Variants in NAV2 observed in about 807,000 individuals in gnomAD.
NAV2 encodes neuron navigator 2, also known as helicase, APC down-regulated 1.
Under a neutral mutation model 223.2 loss-of-function variants are expected in NAV2, and 54 were observed. The observed-to-expected ratio is 0.24, with a 90% confidence interval of 0.19 to 0.30. NAV2 has a LOEUF of 0.30. NAV2 is among the 10% of genes least tolerant of loss of function. NAV2 has a pLI of 1.00. For synonymous variants in NAV2, 1,279 were observed against 1,239.3 expected (o/e 1.03, Z -0.67); for missense variants, 2,806 against 3,147.5 (o/e 0.89, Z 2.60).
intron 22 of NAV2, among the ~76,000 whole-genome samples, chr11:20,076,921 C>A (rs1248165854): frequency 1.3e-5 from 2 of 152,106 alleles, no homozygotes; most frequent in Non-Finnish European, 1.5e-5. Flanking sequence ...GTGGTAACCC[C>A]CTGGAGGAAC....
chr11:19,447,037 G>A (rs1228184035), intron 1 of NAV2, among the ~76,000 whole-genome samples: 1 of 152,216 alleles, frequency 6.6e-6, no homozygotes, highest in Non-Finnish European at 1.5e-5. Context: ...TGGACCAGAA[G>A]GGAGTTCTAT....
intron 1 of NAV2, among the ~76,000 whole-genome samples, chr11:19,362,045 G>A (rs981003613): frequency 2.6e-5 from 4 of 152,340 alleles, no homozygotes; most frequent in Admixed American, 1.3e-4. Flanking sequence ...AGGAGGATGA[G>A]CTGGAGAGGG....
intron 1 of NAV2, among the ~76,000 whole-genome samples, chr11:19,743,651 G>T (rs1453343639): frequency 6.6e-6 from 1 of 152,274 alleles, no homozygotes; most frequent in Non-Finnish European, 1.5e-5. Flanking sequence ...ACAAAAAAGT[G>T]CTGGGCTTAG....
chr11:20,079,495 A>T (rs1424077076), intron 24 of NAV2, among the ~76,000 whole-genome samples: 6 of 152,222 alleles, frequency 3.9e-5, no homozygotes, highest in Admixed American at 3.9e-4. Context: ...TTTATGTCAG[A>T]TATCACACAT....
rs373669949 is a variant in NAV2 at position 19,421,764 on chromosome 11, CTTTTTTT to C, written c.75+70754_75+70760del. ...CCCATGAAGTGCCTTAAGAGAGAGGCTTTTTTTTTTTTTTTTTTTTTTTGCCCAAGCA... is the reference window on the plus strand; with the variant it reads ...CCCATGAAGTGCCTTAAGAGAGAGGCTTTTTTTTTTTTTTTTGCCCAAGCA... On this transcript the variant is annotated intron_variant, in intron 1 of 37. Transcript: ENST00000360655. Among the ~76,000 whole-genome samples, 4 of 84,540 alleles carry C rather than the reference CTTTTTTT, an allele frequency of 4.7e-5. No homozygotes were observed. In the Admixed American group the frequency reaches 5.5e-4, roughly 12 times the overall value. The allele number at this position is 84,540 out of a possible 152,430, so 55.5% of individuals were successfully genotyped here.
upstream of NAV2, among the ~76,000 whole-genome samples, chr11:19,709,793 A>G (rs894176130): frequency 1.3e-5 from 2 of 151,080 alleles, no homozygotes; most frequent in African/African-American, 4.9e-5. Context: ...ACTCGGTCAC[A>G]AAAAAAAAGG....
At chr11:20,114,556 C>G in intron 36 of NAV2, 36 bp from the exon 37 acceptor site, 1 of 1,599,736 alleles carries the variant, frequency 6.3e-7, no homozygotes, top group Non-Finnish European at 8.6e-7. Flanking sequence ...GAGATCTGGG[C>G]CACTTCCAGA....
At chr11:19,656,246 C>T (rs751350581) in intron 1 of NAV2, among the ~76,000 whole-genome samples, 12 of 152,182 alleles carry the variant, frequency 7.9e-5, no homozygotes, top group South Asian at 4.1e-4. Context: ...CTGCAGGAGG[C>T]GCTCTGGGGC....
rs1297435687 is a variant in NAV2, at chr11:19,556,486, AC to A, written c.75+205462del. Among the ~76,000 whole-genome samples the A allele has an allele frequency of 3.3e-5, 5 of 152,142 alleles. No homozygotes were observed. The East Asian group carries it at 9.6e-4, about 29-fold the overall frequency. ...GAGGAACCACAGCAGGGATCTCTTA[AC>A]CCTTTTTGTGCCACAGACACCTTTG... is the stretch of plus-strand genomic sequence containing the variant. On this transcript the variant is annotated intron_variant, in intron 1 of 37. Transcript: ENST00000360655.
intron 1 of NAV2, among the ~76,000 whole-genome samples, chr11:19,374,703 C>T (rs936970827): frequency 6.6e-6 from 1 of 152,108 alleles, no homozygotes; most frequent in Non-Finnish European, 1.5e-5. Flanking sequence ...TCTAAGAAGC[C>T]TTTACTGGAA....
At chr11:19,950,530 G>T (rs1448585814) in intron 10 of NAV2, among the ~76,000 whole-genome samples, 2 of 152,202 alleles carry the variant, frequency 1.3e-5, no homozygotes, top group Non-Finnish European at 2.9e-5. Flanking sequence ...AAATGAATTT[G>T]ATTTTTCTCT....
intron 1 of NAV2, among the ~76,000 whole-genome samples, chr11:19,538,167 A>G (rs1176786221): frequency 6.6e-6 from 1 of 152,182 alleles, no homozygotes; most frequent in East Asian, 1.9e-4. Flanking sequence ...TTCAAATGTC[A>G]TTGATATTGG....
intron 1 of NAV2, among the ~76,000 whole-genome samples, chr11:19,787,619 C>T (rs1211427439): frequency 6.6e-6 from 1 of 152,122 alleles, no homozygotes; most frequent in Non-Finnish European, 1.5e-5. Context: ...GAGTCCTTTT[C>T]TCACAGGGAT....
intron 17 of NAV2, among the ~76,000 whole-genome samples, chr11:20,052,809 C>A (rs770151713): frequency 6.6e-6 from 1 of 152,182 alleles, no homozygotes; most frequent in South Asian, 2.1e-4. Context: ...ACATCCAGTA[C>A]GAACACACTG....
rs376518143 is a variant in NAV2 at position 19,364,838 on chromosome 11, T to C, written c.75+13811T>C. Among the ~76,000 whole-genome samples, 5 of 152,354 alleles carry C rather than the reference T, an allele frequency of 3.3e-5. No homozygotes were observed. In the East Asian group the frequency reaches 9.6e-4, roughly 29 times the overall value. On this transcript the variant is annotated intron_variant, in intron 1 of 37. Coordinates refer to the NAV2 transcript ENST00000360655. ...AGAAGATGTCATCATGGAATTCTTT[T>C]AGTTAGAGAACTTTACAAAAAACTG... is the stretch of plus-strand genomic sequence containing the variant.
At chr11:20,085,034 AT>A (rs1385175122) in intron 26 of NAV2, among the ~76,000 whole-genome samples, 1 of 149,408 alleles carries the variant, frequency 6.7e-6, no homozygotes, top group African/African-American at 2.5e-5. Context: ...ACAAAAAAAA[AT>A]TTTTTTTAAT....
At chr11:19,605,589 A>G (rs1590661346) in intron 1 of NAV2, among the ~76,000 whole-genome samples, 1 of 151,762 alleles carries the variant, frequency 6.6e-6, no homozygotes, top group East Asian at 1.9e-4. Context: ...TACTTAGCTG[A>G]GACCTGTGCA....
At chr11:19,545,206 T>C (rs896091148) in intron 1 of NAV2, among the ~76,000 whole-genome samples, 4 of 152,238 alleles carry the variant, frequency 2.6e-5, no homozygotes, top group African/African-American at 9.6e-5. Context: ...GTCAAGCTGC[T>C]ACCCAGACCT....
chr11:19,833,427 C>T (rs555004767), intron 2 of NAV2, among the ~76,000 whole-genome samples: 4 of 152,276 alleles, frequency 2.6e-5, no homozygotes, highest in South Asian at 2.1e-4. Context: ...CCGTGGAGTA[C>T]GTACCTGAAA....
Sources: allele counts gnomAD v4.1 joint callset (sites outside exome capture counted in the v4.1 genomes callset), GRCh38; gene constraint gnomAD v4.1.1; transcripts MANE v1.5; gene names NCBI Gene and HGNC (gene_info 2026-07-23, HGNC 2026-07-21).